KLHL32: variants seen among roughly 807,000 people sequenced by gnomAD.
KLHL32 encodes kelch-like protein 32.
In KLHL32, 35 loss-of-function variants were observed where a neutral mutation model predicts 64.8. That is an observed-to-expected ratio of 0.54 (90% CI 0.41 to 0.72). The LOEUF is 0.72. KLHL32 is among the 30% of genes least tolerant of loss of function. The pLI, the probability that KLHL32 is intolerant of heterozygous loss-of-function variation, is 0.00. For synonymous variants in KLHL32, 259 were observed against 281.0 expected (o/e 0.92, Z 0.78); for missense variants, 589 against 768.5 (o/e 0.77, Z 2.76).
At chr6:97,130,461 ACAT>A (rs1799315661) in intron 8 of KLHL32, among the ~76,000 whole-genome samples, 1 of 152,188 alleles carries the variant, frequency 6.6e-6, no homozygotes, top group Non-Finnish European at 1.5e-5. Flanking sequence ...GGTGAGATAA[ACAT>A]CATGAAAATT....
intron 3 of KLHL32, among the ~76,000 whole-genome samples, chr6:97,006,357 C>G (rs1779664318): frequency 6.6e-6 from 1 of 152,140 alleles, no homozygotes; most frequent in Admixed American, 6.5e-5. Context: ...TTTCTGTTTG[C>G]TTGGCAGATT....
At chr6:97,112,809 A>G (rs114770493) in intron 6 of KLHL32, among the ~76,000 whole-genome samples, 2,683 of 150,492 alleles carry the variant, frequency 0.018, 65 homozygotes, top group African/African-American at 0.062. Context: ...CAGGTACATT[A>G]TCATAAATAA....
At chr6:97,071,565 A>G (rs1425653901) in intron 5 of KLHL32, among the ~76,000 whole-genome samples, 2 of 151,982 alleles carry the variant, frequency 1.3e-5, no homozygotes, top group Non-Finnish European at 2.9e-5. Flanking sequence ...TTCAGCCAGC[A>G]TTTCACTTGA....
upstream of KLHL32, among the ~76,000 whole-genome samples, chr6:96,919,757 G>A (rs1289112407): frequency 6.6e-6 from 1 of 152,080 alleles, no homozygotes; most frequent in African/African-American, 2.4e-5. Context: ...CAGAAAGGTA[G>A]AAAATGAAAA....
At chr6:96,945,514 C>T (rs1213634340) in intron 1 of KLHL32, among the ~76,000 whole-genome samples, 1 of 152,194 alleles carries the variant, frequency 6.6e-6, no homozygotes, top group Middle Eastern at 3.2e-3. Context: ...CAGTGCCTAC[C>T]ACTCAATTGT....
At chr6:96,909,436 A>G in the KLHL32 span, among the ~76,000 whole-genome samples, 2 of 152,158 alleles carry the variant, frequency 1.3e-5, no homozygotes, top group Non-Finnish European at 2.9e-5. Context: ...TTGGTTCTGG[A>G]CTATGCTTTG....
intron 4 of KLHL32, chr6:97,062,382 A>G (rs1461622650): frequency 6.6e-6 from 1 of 152,204 alleles, no homozygotes; most frequent in African/African-American, 2.4e-5. Context: ...CTCTGATGGG[A>G]GCTGCACTAA....
intron 8 of KLHL32, among the ~76,000 whole-genome samples, chr6:97,130,434 G>C (rs1394409931): frequency 6.6e-6 from 1 of 152,132 alleles, no homozygotes; most frequent in Non-Finnish European, 1.5e-5. Flanking sequence ...ATTTGCATGA[G>C]TAAATTCTCT....
At chr6:96,987,134 AT>A (rs1777206416) in intron 3 of KLHL32, among the ~76,000 whole-genome samples, 2 of 151,882 alleles carry the variant, frequency 1.3e-5, no homozygotes, top group South Asian at 4.2e-4. Flanking sequence ...CGGTCTATCA[AT>A]TTTGTTGATC....
Position 96,990,947 on chromosome 6 carries a change from C to T in KLHL32, c.204+14770C>T, listed in dbSNP as rs576703422. Among the ~76,000 whole-genome samples, 203 of 150,690 alleles carry T rather than the reference C, an allele frequency of 1.3e-3. 1 individual carries two copies. Among genetic ancestry groups the T allele is most frequent in the African/African-American group, 4.8e-3 (195 of 40,972 alleles). On this transcript the variant is annotated intron_variant, in intron 3 of 10. Coordinates refer to ENST00000369261, the MANE Select transcript of KLHL32 (RefSeq NM_052904.4). ...GCAGTGGCAGTGGCAGAGGGGCTTT[C>T]GGTTTTGTCTAGGAGCTCCACCACA...
intron 6 of KLHL32, among the ~76,000 whole-genome samples, chr6:97,088,795 C>T (rs1320540937): frequency 6.6e-6 from 1 of 152,128 alleles, no homozygotes; most frequent in Non-Finnish European, 1.5e-5. Context: ...CTTAGAACAA[C>T]ACATAGAAGT....
At chr6:97,075,726 G>C (rs982948288) in intron 5 of KLHL32, among the ~76,000 whole-genome samples, 4 of 152,108 alleles carry the variant, frequency 2.6e-5, no homozygotes, top group Non-Finnish European at 5.9e-5. Context: ...ACCAGGTTAG[G>C]TAGTCACATA....
chr6:97,019,175 CAA>C (rs1781644158), intron 3 of KLHL32, among the ~76,000 whole-genome samples: 1 of 152,116 alleles, frequency 6.6e-6, no homozygotes, highest in African/African-American at 2.4e-5. Context: ...ATAGAAATTA[CAA>C]AATATTTAAA....
intron 3 of KLHL32, among the ~76,000 whole-genome samples, chr6:96,998,811 G>A (rs1422661812): frequency 1.3e-5 from 2 of 152,218 alleles, no homozygotes; most frequent in Non-Finnish European, 2.9e-5. Flanking sequence ...GTTGATCACA[G>A]AGGCACCAGA....
At chr6:96,923,031 CAGG>C (rs1275199313), upstream of KLHL32, among the ~76,000 whole-genome samples, 1 of 152,130 alleles carries the variant, frequency 6.6e-6, no homozygotes. Context: ...GTGCTAGGGC[CAGG>C]AGATACCCTG....
intron 3 of KLHL32, among the ~76,000 whole-genome samples, chr6:97,025,288 C>G (rs1356210550): frequency 6.6e-6 from 1 of 152,218 alleles, no homozygotes; most frequent in Non-Finnish European, 1.5e-5. Flanking sequence ...ATTAGCCCAT[C>G]TGATGTTGAC....
At chr6:97,137,891 G>A (rs1477500244) in intron 10 of KLHL32, among the ~76,000 whole-genome samples, 1 of 152,108 alleles carries the variant, frequency 6.6e-6, no homozygotes, top group East Asian at 1.9e-4. Flanking sequence ...CATGAGAGTG[G>A]ACTAGATCAT....
At chr6:96,966,868 T>G in intron 1 of KLHL32, 128 bp from the exon 2 acceptor site, 1 of 521,044 alleles carries the variant, frequency 1.9e-6, no homozygotes, top group South Asian at 3.0e-5. Flanking sequence ...TGTCAGAACG[T>G]TTTATGTGGA....
chr6:96,958,280 A>T (rs1488200210), intron 1 of KLHL32, among the ~76,000 whole-genome samples: 1 of 152,174 alleles, frequency 6.6e-6, no homozygotes, highest in Non-Finnish European at 1.5e-5. Context: ...AGTGCTGATT[A>T]TGCTGTGAGT....
Sources: gnomAD v4.1 joint callset for allele counts (sites outside exome capture counted in the v4.1 genomes callset) on GRCh38, gnomAD v4.1.1 for gene constraint, MANE v1.5 for transcripts, NCBI Gene and HGNC (gene_info 2026-07-23, HGNC 2026-07-21) for gene names.